Variants in GGA1 observed in about 807,000 individuals in gnomAD.
GGA1 encodes the protein ADP-ribosylation factor-binding protein GGA1.
Under a neutral mutation model 76.9 loss-of-function variants are expected in GGA1, and 18 were observed. The ratio of observed to expected loss-of-function variants is 0.23; its 90% confidence interval spans 0.16 to 0.35. The LOEUF (loss-of-function observed/expected upper bound fraction) is 0.35, where lower values mean the gene tolerates loss of function less well. Among genes scored for constraint, GGA1 ranks in the 10% least tolerant of loss-of-function variants. The pLI is 1.00. For missense variants in GGA1, 755 were observed against 859.0 expected (o/e 0.88, Z 1.51); for synonymous variants, 342 against 354.7 (o/e 0.96, Z 0.40).
In GGA1 at chr22:37,623,856, T is replaced by TTTAC; in HGVS notation, c.832+225_832+228dup. ...GCCAGCCCCCTTAACAGGCATCTTA[T>TTTAC]TTACTACCCGCAGCTGCACAGGAGG... is the stretch of plus-strand genomic sequence containing the variant. On this transcript the variant is annotated intron_variant, in intron 9 of 16. Transcript: ENST00000343632. The surrounding 1 kb of genome is among the most constrained non-coding windows in gnomAD (Gnocchi z 4.6). 1.9e-6 allele frequency: 1 copy of TTTAC among 537,926 alleles called. No individual in the cohort carries two copies. The highest frequency in any genetic ancestry group is 3.4e-6 in the Non-Finnish European group (1 of 296,740). 33.3% of individuals were successfully genotyped at this position (537,926 alleles called of 1,614,324 possible).
intron 7 of GGA1, among the ~76,000 whole-genome samples, chr22:37,622,798 A>G (rs538019552): frequency 6.6e-6 from 1 of 152,204 alleles, no homozygotes; most frequent in Non-Finnish European, 1.5e-5. Context: ...AGGGGCACGC[A>G]CAGTAAGCGG....
chr22:37,630,970 T>G lies in GGA1; in HGVS notation c.1399T>G (p.Ser467Ala), dbSNP rs781661736. The G allele has an allele frequency of 6.2e-7, 1 of 1,612,896 alleles. No homozygotes were observed. The highest frequency in any genetic ancestry group is 2.2e-5 in the East Asian group (1 of 44,796). Residue 467 changes from serine (S) to alanine (A), a missense_variant, in exon 14 of 17, where the codon TCC becomes GCC. Coordinates refer to ENST00000343632, the MANE Select transcript of GGA1 (RefSeq NM_013365.5). ...GCAGAATAAGAGCAGCAGCTGCAGC[T>G]CCCCCAGCTCCAGCGCCACCAGCCT... is the stretch of plus-strand genomic sequence containing the variant. ...DLQNKSSSCS[S>A]PSSSATSLLH...
At chr22:37,609,266 G>A in intron 1 of GGA1, 2 of 1,152,138 alleles carry the variant, frequency 1.7e-6, no homozygotes, top group South Asian at 1.8e-5. Context: ...GGTTCCCCGG[G>A]GTTGCATCTC....
At chr22:37,626,111 C>A (rs537346709) in intron 11 of GGA1, 162 bp downstream of exon 11, 3 of 480,172 alleles carry the variant, frequency 6.2e-6, no homozygotes, top group African/African-American at 5.9e-5. Flanking sequence ...AACTGAGGCT[C>A]GGGGAAGTTA....
chr22:37,620,597 G>C (rs1929702909), intron 5 of GGA1, among the ~76,000 whole-genome samples: 1 of 152,204 alleles, frequency 6.6e-6, no homozygotes, highest in Non-Finnish European at 1.5e-5. Flanking sequence ...TCTCCAGGGA[G>C]TGGCCTCAAA....
chr22:37,629,851 A>T (rs1311678606), intron 12 of GGA1, 147 bp from the exon 13 acceptor site: 2 of 642,260 alleles, frequency 3.1e-6, no homozygotes, highest in East Asian at 5.9e-5. Flanking sequence ...ACCCTGCATC[A>T]TGGACATGGG....
At chr22:37,610,453 C>T (rs1927300164) in intron 1 of GGA1, 1 of 152,168 alleles carries the variant, frequency 6.6e-6, no homozygotes, top group Non-Finnish European at 1.5e-5. Context: ...AAGTGATTCT[C>T]CTGTCTCAGC....
chr22:37,609,273 T>G (rs1398111919), intron 1 of GGA1: 2 of 1,140,480 alleles, frequency 1.8e-6, no homozygotes, highest in South Asian at 3.7e-5. Flanking sequence ...CGGGGTTGCA[T>G]CTCACACCCG....
Position 37,618,529 on chromosome 22 carries a change from A to G in GGA1, c.286A>G (p.Lys96Glu). ...GTTCCGCTTTCTCAACGAGCTCATC[A>G]AGGTCGTGTCTCCCAAGGTTGGTGC... ...GKFRFLNELIKVVSPKYLGSR... is the reference protein window; with the variant it reads ...GKFRFLNELIEVVSPKYLGSR... The change falls in exon 4 of 17, where the codon AAG becomes GAG. Residue 96 changes from lysine to glutamate, a missense_variant. Coordinates refer to ENST00000343632, the MANE Select transcript of GGA1 (RefSeq NM_013365.5). 6.2e-7 allele frequency: 1 copy of G among 1,609,938 alleles called. No individual in the cohort carries two copies. The highest frequency in any genetic ancestry group is 8.5e-7 in the Non-Finnish European group (1 of 1,176,244).
chr22:37,623,989 C>G lies in GGA1; in HGVS notation c.832+356C>G. 3.9e-6 allele frequency: 1 copy of G among 259,198 alleles called. No individual in the cohort carries two copies. Among genetic ancestry groups the G allele is most frequent in the Admixed American group, 5.0e-5 (1 of 20,012 alleles). The allele number at this position is 259,198 out of a possible 1,614,324, so 16.1% of individuals were successfully genotyped here. On this transcript the variant is annotated intron_variant, in intron 9 of 16. Transcript: ENST00000343632. This position sits in a 1 kb window ranked among gnomAD's most constrained non-coding sequence, Gnocchi z 4.6. ...GGGGAGACGGAGGGCCATCTGCCCCCAGACCTTCCTCCCTAATGAGGGTGA... is the reference window on the plus strand; with the variant it reads ...GGGGAGACGGAGGGCCATCTGCCCCGAGACCTTCCTCCCTAATGAGGGTGA...
chr22:37,625,767 G>A lies in GGA1; in HGVS notation c.941-30G>A. 4 of 1,528,608 alleles carry A rather than the reference G, an allele frequency of 2.6e-6. No homozygotes were observed. The highest frequency in any genetic ancestry group is 1.4e-5 in the African/African-American group (1 of 73,168). 94.7% of individuals were successfully genotyped at this position (1,528,608 alleles called of 1,614,324 possible). On this transcript the variant is annotated intron_variant, in intron 10 of 16. Transcript: ENST00000343632. This position sits in a 1 kb window ranked among gnomAD's most constrained non-coding sequence, Gnocchi z 4.1. ...CTCTGAGAGACACGTGTACACCCAGGACTTGCCAGCCTCTTCTTTCCCACC... is the reference window on the plus strand; with the variant it reads ...CTCTGAGAGACACGTGTACACCCAGAACTTGCCAGCCTCTTCTTTCCCACC...
chr22:37,617,254 T>C lies in GGA1; in HGVS notation c.204+257T>C. On this transcript the variant is annotated intron_variant, in intron 3 of 16. Coordinates refer to ENST00000343632, the MANE Select transcript of GGA1 (RefSeq NM_013365.5). Reference sequence around the variant, plus strand: ...GTCATCTGGTCCAGGGGTTCTTTGCTTCAGCTGCACATCGGCTGCCTCTCC... The same window carrying C: ...GTCATCTGGTCCAGGGGTTCTTTGCCTCAGCTGCACATCGGCTGCCTCTCC... 2.2e-6 allele frequency: 3 copies of C among 1,358,384 alleles called. 1 individual carries two copies. The highest frequency in any genetic ancestry group is 3.6e-5 in the South Asian group (2 of 56,000). The allele number at this position is 1,358,384 out of a possible 1,614,324, so 84.1% of individuals were successfully genotyped here. A position where few individuals can be genotyped will look rare whatever the true frequency, so the allele number is the denominator to read the frequency against.
At chr22:37,610,841 G>C (rs1927395476) in intron 1 of GGA1, 2 of 152,250 alleles carry the variant, frequency 1.3e-5, no homozygotes, top group Non-Finnish European at 2.9e-5. Context: ...AGAGGGCTGA[G>C]GGTCAGGGGC....
In GGA1 at chr22:37,633,445, T is replaced by C. The variant is rs1320553988; in HGVS notation, c.*734T>C. 6.6e-6 allele frequency: 1 copy of C among 152,150 alleles called. No individual in the cohort carries two copies. Among genetic ancestry groups the C allele is most frequent in the African/African-American group, 2.4e-5 (1 of 41,398 alleles). The allele number at this position is 152,150 out of a possible 1,614,324, so 9.4% of individuals were successfully genotyped here. On this transcript the variant is annotated 3_prime_UTR_variant, in exon 17 of 17. Transcript: ENST00000343632. ...TGTGTCTCCTTCATTCATTGGCCTC[T>C]GCTGGGGCCTCCTATGGGTGTCTTA... is the stretch of plus-strand genomic sequence containing the variant.
intron 7 of GGA1, among the ~76,000 whole-genome samples, chr22:37,622,054 A>C (rs1328441727): frequency 6.6e-6 from 1 of 151,294 alleles, no homozygotes; most frequent in Non-Finnish European, 1.5e-5. Flanking sequence ...TAATGAATAT[A>C]TGTAAGTATG....
Position 37,623,807 on chromosome 22 carries a change from C to T in GGA1, c.832+174C>T, listed in dbSNP as rs1391264374. 12 of 585,550 alleles carry T rather than the reference C, an allele frequency of 2.0e-5. No individual in the cohort carries two copies. Among genetic ancestry groups the T allele is most frequent in the East Asian group, 8.5e-5 (3 of 35,148 alleles). The allele number at this position is 585,550 out of a possible 1,614,324, so 36.3% of individuals were successfully genotyped here. ...CTCTGAGGACACAGAGCAGGGGCCG[C>T]CCCCCTGTTGAGAGGCCCTGTGGGC... is the stretch of plus-strand genomic sequence containing the variant. On this transcript the variant is annotated intron_variant, in intron 9 of 16. Coordinates refer to ENST00000343632, the MANE Select transcript of GGA1 (RefSeq NM_013365.5). This position sits in a 1 kb window ranked among gnomAD's most constrained non-coding sequence, Gnocchi z 4.6.
intron 5 of GGA1, 59 bp from the exon 6 acceptor site, chr22:37,620,754 C>G: frequency 9.6e-7 from 1 of 1,045,908 alleles, no homozygotes; most frequent in Non-Finnish European, 1.5e-6. Flanking sequence ...ATCCCCATGT[C>G]ACCCCTACCC....
chr22:37,621,725 G>C, intron 7 of GGA1, 29 bp downstream of exon 7: 1 of 1,458,682 alleles, frequency 6.9e-7, no homozygotes, highest in Non-Finnish European at 9.4e-7. Context: ...GCACAGGGAG[G>C]AGGCGGGATG....
intron 1 of GGA1, chr22:37,609,151 G>T: frequency 6.9e-7 from 1 of 1,456,356 alleles, no homozygotes. Flanking sequence ...CCCTGGGACG[G>T]CGAGTGAGCT....
Sources: allele counts gnomAD v4.1 joint callset (sites outside exome capture counted in the v4.1 genomes callset), GRCh38; gene constraint gnomAD v4.1.1; non-coding constraint Gnocchi (gnomAD v3.1); transcripts MANE v1.5; gene names NCBI Gene and HGNC (gene_info 2026-07-23, HGNC 2026-07-21).